The following JAZF1 variants were observed in gnomAD, a reference collection of about 807,000 sequenced individuals.
The protein encoded by JAZF1 is juxtaposed with another zinc finger protein 1.
In JAZF1, 8 loss-of-function variants were observed where a neutral mutation model predicts 26.4. The observed-to-expected ratio is 0.30, with a 90% CI of 0.18 to 0.55. The LOEUF (loss-of-function observed/expected upper bound fraction) is 0.55, where lower values mean the gene tolerates loss of function less well. Ranked by LOEUF, JAZF1 falls within the 20% of genes least tolerant of loss-of-function variation. The pLI is 0.94. For synonymous variants in JAZF1, 126 were observed against 122.3 expected, an observed-to-expected ratio of 1.03 and a Z score of -0.20; for missense variants, 199 against 322.0, an observed-to-expected ratio of 0.62 and a Z score of 2.92.
chr7:27,997,414 T>C (rs1422260893), intron 1 of JAZF1, among the ~76,000 whole-genome samples: 1 of 152,210 alleles, frequency 6.6e-6, no homozygotes, highest in Admixed American at 6.5e-5. Flanking sequence ...AGGAGGATTC[T>C]TCTCTGATTC....
intron 3 of JAZF1, chr7:27,841,152 C>A (rs747687199): frequency 3.0e-5 from 10 of 331,398 alleles, no homozygotes; most frequent in Non-Finnish European, 5.0e-5. Context: ...GCAACCCAGC[C>A]TGTGGCTGCA....
At chr7:27,899,592 G>A (rs1388218347) in intron 2 of JAZF1, among the ~76,000 whole-genome samples, 2 of 151,930 alleles carry the variant, frequency 1.3e-5, no homozygotes, top group African/African-American at 4.8e-5. Context: ...GCCCCCCCAT[G>A]CCCAGGTAAT....
intron 3 of JAZF1, among the ~76,000 whole-genome samples, chr7:27,847,872 T>C (rs1783058162): frequency 6.6e-6 from 1 of 152,106 alleles, no homozygotes; most frequent in Non-Finnish European, 1.5e-5. Flanking sequence ...TTTGCTATGT[T>C]GGCCAGGGTG....
Position 27,832,038 on chromosome 7 carries a change from A to G in JAZF1, c.*762T>C. ...CGCAGATATCAATAGGCATAAATTG[A>G]ATCCCTTGTACCCAGCAGGCACTCA... On this transcript the variant is annotated 3_prime_UTR_variant, in exon 5 of 5. Transcript: ENST00000283928. 1 of 215,562 alleles carries G rather than the reference A, an allele frequency of 4.6e-6. No homozygotes were observed. Among genetic ancestry groups the G allele is most frequent in the Non-Finnish European group, 9.4e-6 (1 of 106,604 alleles). 13.4% of individuals were successfully genotyped at this position (215,562 alleles called of 1,614,324 possible).
rs1783306934 is a variant in JAZF1 at position 28,037,071 on chromosome 7, G to C, written c.116-45090C>G. ...ACTGGGGTGCAGAGGGAATCAATCT[G>C]TTCAGAGTTTATTTGGGTACGTGCA... On this transcript the variant is annotated intron_variant, in intron 1 of 4. Transcript: ENST00000283928. Among the ~76,000 whole-genome samples, 3 of 152,274 alleles carry C rather than the reference G, an allele frequency of 2.0e-5. No homozygotes were observed. The South Asian group carries it at 6.2e-4, about 32-fold the overall frequency.
chr7:27,865,528 T>C (rs927547880), intron 3 of JAZF1, among the ~76,000 whole-genome samples: 1 of 152,198 alleles, frequency 6.6e-6, no homozygotes, highest in African/African-American at 2.4e-5. Context: ...GATTTCTTTA[T>C]AAAAGAACCA....
At chr7:28,174,095 G>C (rs1470341681) in intron 1 of JAZF1, among the ~76,000 whole-genome samples, 1 of 151,992 alleles carries the variant, frequency 6.6e-6, no homozygotes, top group African/African-American at 2.4e-5. Flanking sequence ...ACGTTAGCCA[G>C]GTCAACATGG....
At chr7:27,998,071 A>AAGGCAGGC (rs1554280810) in intron 1 of JAZF1, among the ~76,000 whole-genome samples, 1,786 of 111,462 alleles carry the variant, frequency 0.016, 88 homozygotes, top group African/African-American at 0.056. Flanking sequence ...GGAAGGAAGG[A>AAGGCAGGC]AGGCAGGCAG....
At chr7:28,057,253 G>C (rs1039703180) in intron 1 of JAZF1, among the ~76,000 whole-genome samples, 15 of 152,076 alleles carry the variant, frequency 9.9e-5, no homozygotes, top group Admixed American at 2.0e-4. Context: ...TATTGTAAAA[G>C]CACATAAAAA....
chr7:28,177,188 A>G (rs10272119), intron 1 of JAZF1, among the ~76,000 whole-genome samples: 15,099 of 152,128 alleles, frequency 0.099, 1,480 homozygotes, highest in African/African-American at 0.26. Context: ...CAGGTACTCC[A>G]GTACTGAACC....
chr7:27,868,197 A>G (rs1783513774), intron 3 of JAZF1, among the ~76,000 whole-genome samples: 1 of 152,356 alleles, frequency 6.6e-6, no homozygotes, highest in East Asian at 1.9e-4. Flanking sequence ...GAGTTCACAC[A>G]TGACACCATC....
At chr7:28,031,331 G>A (rs141192457) in intron 1 of JAZF1, among the ~76,000 whole-genome samples, 2,273 of 152,212 alleles carry the variant, frequency 0.015, 31 homozygotes, top group Non-Finnish European at 0.023. Context: ...CACAGTGAAC[G>A]TTCATATAGA....
At chr7:28,175,620 G>C (rs1265164962) in intron 1 of JAZF1, among the ~76,000 whole-genome samples, 1 of 152,206 alleles carries the variant, frequency 6.6e-6, no homozygotes, top group Non-Finnish European at 1.5e-5. Context: ...AAGCAGGCTG[G>C]ATTCGCTATG....
intron 2 of JAZF1, among the ~76,000 whole-genome samples, chr7:27,963,790 A>T (rs1053667612): frequency 6.6e-6 from 1 of 151,488 alleles, no homozygotes; most frequent in Non-Finnish European, 1.5e-5. Context: ...CTGATTTCAA[A>T]CTCCTGGGAT....
At chr7:28,057,042 C>A (rs1783723502) in intron 1 of JAZF1, among the ~76,000 whole-genome samples, 1 of 152,154 alleles carries the variant, frequency 6.6e-6, no homozygotes, top group South Asian at 2.1e-4. Context: ...TTCTGAATTT[C>A]TCCATAATAG....
intron 3 of JAZF1, among the ~76,000 whole-genome samples, chr7:27,883,074 G>C (rs1051671391): frequency 2.0e-5 from 3 of 152,226 alleles, no homozygotes; most frequent in African/African-American, 7.2e-5. Flanking sequence ...TTACTGAGAA[G>C]TGTGCACTGA....
intron 1 of JAZF1, among the ~76,000 whole-genome samples, chr7:28,028,691 ACT>A (rs1200651171): frequency 6.6e-6 from 1 of 152,158 alleles, no homozygotes; most frequent in Non-Finnish European, 1.5e-5. Flanking sequence ...TGCCTCAACA[ACT>A]CTATTAAGCG....
At chr7:27,849,664 G>C (rs1583429179) in intron 3 of JAZF1, among the ~76,000 whole-genome samples, 1 of 151,944 alleles carries the variant, frequency 6.6e-6, no homozygotes, top group East Asian at 1.9e-4. Context: ...TATTCCACAG[G>C]ATGGCTGGGG....
intron 2 of JAZF1, among the ~76,000 whole-genome samples, chr7:27,982,513 C>G (rs1337233389): frequency 6.6e-6 from 1 of 152,204 alleles, no homozygotes; most frequent in Admixed American, 6.5e-5. Context: ...CTGTAGACTC[C>G]AACTCTGGGG....
Sources: allele counts gnomAD v4.1 joint callset (sites outside exome capture counted in the v4.1 genomes callset), GRCh38; gene constraint gnomAD v4.1.1; transcripts MANE v1.5; gene names NCBI Gene and HGNC (gene_info 2026-07-23, HGNC 2026-07-21).